PLXDC2: variants seen among roughly 807,000 people sequenced by gnomAD.
PLXDC2 encodes plexin domain containing 2, also known as plexin domain-containing protein 2.
In PLXDC2, 40 loss-of-function variants were observed where a neutral mutation model predicts 68.9. That is an observed-to-expected ratio of 0.58 (90% CI 0.45 to 0.76). PLXDC2 has a LOEUF of 0.76. PLXDC2 is among the 30% of genes least tolerant of loss of function. The pLI, the probability that PLXDC2 is intolerant of heterozygous loss-of-function variation, is 0.00. For missense variants in PLXDC2, 644 were observed against 661.9 expected, an observed-to-expected ratio of 0.97 and a Z score of 0.30; for synonymous variants, 243 against 234.2, an observed-to-expected ratio of 1.04 and a Z score of -0.34.
chr10:20,077,447 A>G (rs1015944116), intron 4 of PLXDC2, among the ~76,000 whole-genome samples: 2 of 152,162 alleles, frequency 1.3e-5, no homozygotes, highest in Non-Finnish European at 2.9e-5. Flanking sequence ...CATAGTCATA[A>G]AAAAGTAATA....
intron 9 of PLXDC2, among the ~76,000 whole-genome samples, chr10:20,192,489 A>C (rs1323599477): frequency 2.0e-5 from 3 of 152,128 alleles, no homozygotes; most frequent in Non-Finnish European, 4.4e-5. Flanking sequence ...AAGTAATAAA[A>C]ATAGCACACA....
intron 13 of PLXDC2, among the ~76,000 whole-genome samples, chr10:20,246,884 C>T (rs1241859485): frequency 6.6e-6 from 1 of 151,906 alleles, no homozygotes; most frequent in Non-Finnish European, 1.5e-5. Context: ...GTTAAAATTA[C>T]CTATGCCACT....
chr10:20,107,033 T>A (rs1305551131), intron 4 of PLXDC2, among the ~76,000 whole-genome samples: 1 of 148,640 alleles, frequency 6.7e-6, no homozygotes, highest in African/African-American at 2.5e-5. Flanking sequence ...ATACACCATA[T>A]ACTATATATA....
At chr10:20,168,111 G>C (rs1834398284) in intron 7 of PLXDC2, among the ~76,000 whole-genome samples, 1 of 152,004 alleles carries the variant, frequency 6.6e-6, no homozygotes, top group Admixed American at 6.6e-5. Flanking sequence ...GTTTACAAGA[G>C]AAATACCTTT....
At chr10:20,139,909 C>T (rs184949522) in intron 4 of PLXDC2, among the ~76,000 whole-genome samples, 9 of 152,192 alleles carry the variant, frequency 5.9e-5, no homozygotes, top group South Asian at 4.1e-4. Flanking sequence ...ATGTAGATGA[C>T]GCATTGATGG....
intron 4 of PLXDC2, among the ~76,000 whole-genome samples, chr10:20,113,379 G>T (rs1011840681): frequency 6.6e-6 from 1 of 152,082 alleles, no homozygotes; most frequent in Non-Finnish European, 1.5e-5. Flanking sequence ...GTAGTAACTG[G>T]TACCATCATC....
At chr10:19,847,001 G>T (rs892388286) in intron 1 of PLXDC2, among the ~76,000 whole-genome samples, 1 of 152,042 alleles carries the variant, frequency 6.6e-6, no homozygotes, top group Admixed American at 6.5e-5. Flanking sequence ...GATCTTTTGA[G>T]ACTTATTCAC....
intron 3 of PLXDC2, among the ~76,000 whole-genome samples, chr10:20,054,373 C>A (rs111588155): frequency 1.3e-3 from 192 of 151,786 alleles, no homozygotes; most frequent in African/African-American, 4.4e-3. Context: ...TCTCTCAGAT[C>A]AATAAATTTG....
At chr10:19,945,941 T>C (rs560769223) in intron 1 of PLXDC2, among the ~76,000 whole-genome samples, 11 of 152,336 alleles carry the variant, frequency 7.2e-5, no homozygotes, top group African/African-American at 2.6e-4. Flanking sequence ...CCAAATCCCC[T>C]GTTATAATTT....
chr10:19,849,648 T>C lies in PLXDC2; in HGVS notation c.112+32457T>C, dbSNP rs559247237. Among the ~76,000 whole-genome samples the C allele has an allele frequency of 3.8e-4, 58 of 152,208 alleles. 1 individual carries two copies. The South Asian group carries it at 0.012, about 31-fold the overall frequency. On this transcript the variant is annotated intron_variant, in intron 1 of 13. Coordinates refer to ENST00000377252, the MANE Select transcript of PLXDC2 (RefSeq NM_032812.9). The stretch of plus-strand genomic sequence containing the variant: ...ATGTTTGCTTCCCCTTCCACCATGA[T>C]TGTAAGTTTCCTGAGGCCTCCCTAA...
At position 20,177,034 on chromosome 10, in the gene PLXDC2, G is replaced by C; in HGVS notation, c.919G>C (p.Val307Leu). 6.2e-7 allele frequency: 1 copy of C among 1,611,696 alleles called. No individual in the cohort carries two copies. The highest frequency in any genetic ancestry group is 8.5e-7 in the Non-Finnish European group (1 of 1,179,020). Residue 307 changes from valine (V) to leucine (L), a missense_variant, in exon 8 of 14, where the codon GTA (valine) becomes CTA (leucine). Physicochemically the swap from Val to Leu is conservative, Grantham distance 32. Transcript: ENST00000377252. ...AAGAACAATTTATGAATACCACCGA[G>C]TAGAGCTACAAATGTCAAAAATTAC... ...RRRTIYEYHRVELQMSKITNI... is the reference protein window; with the variant it reads ...RRRTIYEYHRLELQMSKITNI...
At chr10:20,166,819 A>G (rs1355486996) in intron 7 of PLXDC2, among the ~76,000 whole-genome samples, 1 of 152,148 alleles carries the variant, frequency 6.6e-6, no homozygotes, top group Non-Finnish European at 1.5e-5. Context: ...TCAGGGCCCT[A>G]AAGTGTAATT....
At chr10:20,209,902 C>T (rs1252767889) in intron 9 of PLXDC2, among the ~76,000 whole-genome samples, 1 of 151,994 alleles carries the variant, frequency 6.6e-6, no homozygotes, top group Non-Finnish European at 1.5e-5. Flanking sequence ...TCAGAGATGG[C>T]AGTAAAGACA....
chr10:20,038,060 C>T (rs1009770750), intron 2 of PLXDC2, among the ~76,000 whole-genome samples: 1 of 151,782 alleles, frequency 6.6e-6, no homozygotes, highest in Admixed American at 6.6e-5. Context: ...ATGGTGAAAC[C>T]CCATCTCTAC....
At chr10:20,250,913 A>G (rs1256057572) in intron 13 of PLXDC2, among the ~76,000 whole-genome samples, 2 of 152,158 alleles carry the variant, frequency 1.3e-5, no homozygotes, top group Non-Finnish European at 2.9e-5. Flanking sequence ...GAAAATATAC[A>G]CCAGTTATTA....
At chr10:19,983,544 T>G (rs773645861) in intron 1 of PLXDC2, among the ~76,000 whole-genome samples, 136 of 152,336 alleles carry the variant, frequency 8.9e-4, no homozygotes, top group Non-Finnish European at 2.9e-4. Context: ...AGTCTTCTGG[T>G]GTAATAGCTG....
intron 4 of PLXDC2, among the ~76,000 whole-genome samples, chr10:20,127,984 GTATC>G (rs1190130980): frequency 3.3e-5 from 5 of 152,310 alleles, no homozygotes; most frequent in Admixed American, 6.5e-5. Flanking sequence ...GTTCTAGACA[GTATC>G]TATCCCAAAT....
At chr10:19,884,661 T>C (rs1331330633) in intron 1 of PLXDC2, among the ~76,000 whole-genome samples, 1 of 152,244 alleles carries the variant, frequency 6.6e-6, no homozygotes, top group Non-Finnish European at 1.5e-5. Context: ...ATTTCATCCA[T>C]GTCCCTACGA....
intron 1 of PLXDC2, among the ~76,000 whole-genome samples, chr10:19,919,555 CAAG>C (rs1833424610): frequency 6.6e-6 from 1 of 152,144 alleles, no homozygotes; most frequent in Non-Finnish European, 1.5e-5. Context: ...AGTTAAAAAA[CAAG>C]AAGCAAAATG....
Sources: allele counts gnomAD v4.1 joint callset (sites outside exome capture counted in the v4.1 genomes callset), GRCh38; gene constraint gnomAD v4.1.1; transcripts MANE v1.5; gene names NCBI Gene and HGNC (gene_info 2026-07-23, HGNC 2026-07-21).